Variants in DCBLD2 observed in about 807,000 individuals in gnomAD.
DCBLD2 encodes discoidin, CUB and LCCL domain-containing protein 2.
A neutral mutation model predicts 86.8 loss-of-function variants in DCBLD2; 54 were observed. The observed-to-expected ratio is 0.62, with a 90% CI of 0.50 to 0.78. DCBLD2 has a LOEUF of 0.78. DCBLD2 is among the 30% of genes least tolerant of loss of function. DCBLD2 has a pLI of 0.00. For missense variants in DCBLD2, 908 were observed against 954.2 expected (o/e 0.95, Z 0.64); for synonymous variants, 354 against 341.3 (o/e 1.04, Z -0.41).
In DCBLD2 at chr3:98,797,558, A is replaced by C. The variant is rs554974048; in HGVS notation, c.*1814T>G. ...TTCCACATCCATATATGTTTTAATA[A>C]AAGTCTACCATCTATGTCTTTTGTT... On this transcript the variant is annotated 3_prime_UTR_variant, in exon 16 of 16. Coordinates refer to ENST00000326840, the MANE Select transcript of DCBLD2 (RefSeq NM_080927.4). The C allele has an allele frequency of 6.6e-6, 1 of 152,458 alleles. No individual in the cohort carries two copies. The highest frequency in any genetic ancestry group is 1.5e-5 in the Non-Finnish European group (1 of 68,034). The allele number at this position is 152,458 out of a possible 1,614,324, so 9.4% of individuals were successfully genotyped here.
At chr3:98,844,830 A>G (rs959973311) in intron 3 of DCBLD2, among the ~76,000 whole-genome samples, 3 of 152,202 alleles carry the variant, frequency 2.0e-5, no homozygotes, top group Non-Finnish European at 4.4e-5. Context: ...AGGTCCACAT[A>G]CACGTTCAAA....
At chr3:98,867,621 GA>G (rs1193185167) in intron 2 of DCBLD2, among the ~76,000 whole-genome samples, 3 of 152,084 alleles carry the variant, frequency 2.0e-5, no homozygotes, top group Non-Finnish European at 4.4e-5. Flanking sequence ...CATATCCTTA[GA>G]AAACTAATAG....
chr3:98,881,270 A>AC (rs1277415620), intron 2 of DCBLD2, among the ~76,000 whole-genome samples: 3 of 151,694 alleles, frequency 2.0e-5, no homozygotes, highest in African/African-American at 7.3e-5. Flanking sequence ...AAAAAACAAA[A>AC]AAAAAAAAAC....
rs562670956 is a variant in DCBLD2, at chr3:98,874,554, G to A, written c.433+6986C>T. ...GTCTTTCTTGATAACAACACTTAAT[G>A]GAAATCAGTGGATACTTCCTATTAT... On this transcript the variant is annotated intron_variant, in intron 2 of 15. Coordinates refer to ENST00000326840, the MANE Select transcript of DCBLD2 (RefSeq NM_080927.4). Among the ~76,000 whole-genome samples, 7 of 152,236 alleles carry A rather than the reference G, an allele frequency of 4.6e-5. No homozygotes were observed. In the East Asian group the frequency reaches 1.4e-3, roughly 29 times the overall value.
chr3:98,851,538 C>T (rs923545204), intron 2 of DCBLD2, among the ~76,000 whole-genome samples: 16 of 152,132 alleles, frequency 1.1e-4, no homozygotes, highest in Non-Finnish European at 1.8e-4. Context: ...AATGCTATCC[C>T]CATCAAGCTA....
At chr3:98,841,922 G>A (rs780118107) in intron 3 of DCBLD2, among the ~76,000 whole-genome samples, 19 of 152,166 alleles carry the variant, frequency 1.2e-4, no homozygotes, top group East Asian at 5.8e-4. Context: ...AAAATTAGCC[G>A]GGCATGGTGG....
chr3:98,848,966 T>C (rs1942779419), intron 3 of DCBLD2, among the ~76,000 whole-genome samples: 1 of 152,168 alleles, frequency 6.6e-6, no homozygotes, highest in African/African-American at 2.4e-5. Context: ...GGTCAGGAGT[T>C]CGAGACCAGC....
intron 1 of DCBLD2, among the ~76,000 whole-genome samples, chr3:98,882,451 G>T (rs1201296902): frequency 6.6e-6 from 1 of 151,712 alleles, no homozygotes; most frequent in African/African-American, 2.4e-5. Context: ...AATTATACAA[G>T]TTCTGGGGTA....
intron 2 of DCBLD2, among the ~76,000 whole-genome samples, chr3:98,863,369 A>G (rs982280476): frequency 6.6e-6 from 1 of 152,214 alleles, no homozygotes; most frequent in African/African-American, 2.4e-5. Flanking sequence ...ACTACTTTAA[A>G]GTTCATATGG....
intron 3 of DCBLD2, among the ~76,000 whole-genome samples, chr3:98,849,094 G>A (rs549734874): frequency 6.0e-5 from 9 of 150,998 alleles, no homozygotes; most frequent in Non-Finnish European, 1.0e-4. Context: ...GCTTGAACCC[G>A]GGAGGTGGAG....
At chr3:98,876,185 A>C (rs1221549352) in intron 2 of DCBLD2, among the ~76,000 whole-genome samples, 1 of 151,924 alleles carries the variant, frequency 6.6e-6, no homozygotes, top group East Asian at 1.9e-4. Context: ...TAATATCCCT[A>C]AAAGATAATG....
chr3:98,813,943 G>C (rs1022142457), intron 9 of DCBLD2: 1 of 152,190 alleles, frequency 6.6e-6, no homozygotes, highest in Non-Finnish European at 1.5e-5. Context: ...TCCGACTTAA[G>C]TATGGACTCC....
chr3:98,859,645 C>A, intron 2 of DCBLD2, among the ~76,000 whole-genome samples: 1 of 152,238 alleles, frequency 6.6e-6, no homozygotes, highest in East Asian at 1.9e-4. Flanking sequence ...AAAACTCCAA[C>A]AGACCTCAGC....
chr3:98,854,931 A>T (rs1276209209), intron 2 of DCBLD2, among the ~76,000 whole-genome samples: 1 of 152,206 alleles, frequency 6.6e-6, no homozygotes, highest in African/African-American at 2.4e-5. Context: ...GAGCTTCACG[A>T]CCTAGAACTG....
At chr3:98,838,712 T>C (rs1226775255) in intron 3 of DCBLD2, among the ~76,000 whole-genome samples, 3 of 151,964 alleles carry the variant, frequency 2.0e-5, no homozygotes, top group Admixed American at 6.5e-5. Context: ...GAGGTGTAGG[T>C]TGTAGCGAGC....
chr3:98,800,833 A>G, intron 14 of DCBLD2, 117 bp from the exon 15 acceptor site: 1 of 1,458,324 alleles, frequency 6.9e-7, no homozygotes, highest in Non-Finnish European at 9.3e-7. Flanking sequence ...TATCTCTACA[A>G]ACTTGCCTTT....
At chr3:98,846,074 T>G (rs1222447274) in intron 3 of DCBLD2, among the ~76,000 whole-genome samples, 1 of 152,240 alleles carries the variant, frequency 6.6e-6, no homozygotes, top group Non-Finnish European at 1.5e-5. Context: ...TCTTATCTAC[T>G]GCTGTTTCCT....
At chr3:98,819,595 C>T (rs1281066855) in intron 7 of DCBLD2, among the ~76,000 whole-genome samples, 178 bp from the exon 8 acceptor site, 1 of 152,148 alleles carries the variant, frequency 6.6e-6, no homozygotes, top group Non-Finnish European at 1.5e-5. Context: ...CTTTGTGTAT[C>T]ATTAGGAAAC....
At chr3:98,866,766 C>T (rs1055374635) in intron 2 of DCBLD2, among the ~76,000 whole-genome samples, 23 of 152,338 alleles carry the variant, frequency 1.5e-4, no homozygotes, top group Middle Eastern at 3.4e-3. Flanking sequence ...GTGTTTCAGA[C>T]ATGAAGTCCT....
Sources: allele counts gnomAD v4.1 joint callset (sites outside exome capture counted in the v4.1 genomes callset), GRCh38; gene constraint gnomAD v4.1.1; transcripts MANE v1.5; gene names NCBI Gene and HGNC (gene_info 2026-07-23, HGNC 2026-07-21).